The following GNA14 variants were observed in gnomAD, a reference collection of about 807,000 sequenced individuals.
The protein encoded by GNA14 is guanine nucleotide-binding protein subunit alpha-14.
A neutral mutation model predicts 42.0 loss-of-function variants in GNA14; 50 were observed. The ratio of observed to expected loss-of-function variants is 1.19; its 90% confidence interval spans 0.95 to 1.51. The LOEUF is 1.51. GNA14 is among the 40% of genes most tolerant of loss of function. The pLI, the probability that GNA14 is intolerant of heterozygous loss-of-function variation, is 0.00. For missense variants in GNA14, 473 were observed against 446.2 expected (o/e 1.06, Z -0.54); for synonymous variants, 173 against 163.1 (o/e 1.06, Z -0.46).
intron 1 of GNA14, among the ~76,000 whole-genome samples, chr9:77,590,962 TG>T (rs1292627367): frequency 6.6e-6 from 1 of 152,158 alleles, no homozygotes; most frequent in Non-Finnish European, 1.5e-5. Flanking sequence ...AGACCTCTTT[TG>T]GGGGGCAAAA....
At chr9:77,544,095 T>A (rs968463801) in intron 1 of GNA14, among the ~76,000 whole-genome samples, 2 of 152,236 alleles carry the variant, frequency 1.3e-5, no homozygotes, top group Non-Finnish European at 2.9e-5. Context: ...AGTCACATAA[T>A]CTAGACATCT....
At chr9:77,641,246 A>G (rs2118034915) in intron 1 of GNA14, among the ~76,000 whole-genome samples, 1 of 152,046 alleles carries the variant, frequency 6.6e-6, no homozygotes, top group South Asian at 2.1e-4. Flanking sequence ...CTGGAGTTGG[A>G]AAATCATTCT....
intron 1 of GNA14, among the ~76,000 whole-genome samples, chr9:77,543,759 T>C (rs1049241666): frequency 2.6e-5 from 4 of 152,160 alleles, no homozygotes; most frequent in Non-Finnish European, 5.9e-5. Context: ...TCCCGTCACT[T>C]CTCTGTTGAA....
chr9:77,423,980 T>C lies in GNA14; in HGVS notation c.1067A>G (p.Ter356=), dbSNP rs781114373. Residue 356 remains the stop codon, a stop_retained_variant, in exon 7 of 7, where the codon TAA becomes TGA. Coordinates refer to ENST00000341700, the MANE Select transcript of GNA14 (RefSeq NM_004297.4). ...QLNLREFNLV[*] is the part of the protein sequence containing the mutation. ...TAGGGGAGGAGTGGGCAGCAGCTTT[T>C]AGACAAGGTTGAATTCCCTTAGGTT... 6.3e-7 allele frequency: 1 copy of C among 1,579,580 alleles called. No individual in the cohort carries two copies. The highest frequency in any genetic ancestry group is 8.6e-7 in the Non-Finnish European group (1 of 1,159,510).
intron 1 of GNA14, among the ~76,000 whole-genome samples, chr9:77,565,882 T>C (rs1285867909): frequency 6.6e-6 from 1 of 152,146 alleles, no homozygotes; most frequent in Non-Finnish European, 1.5e-5. Context: ...TCATCTGAAA[T>C]CAGAAGAAAA....
intron 1 of GNA14, among the ~76,000 whole-genome samples, chr9:77,645,980 C>G (rs1464641302): frequency 1.3e-5 from 2 of 152,210 alleles, no homozygotes; most frequent in Non-Finnish European, 2.9e-5. Context: ...TAGTGTTAAT[C>G]AAGCTAGCAA....
At chr9:77,609,945 C>G (rs1448244754) in intron 1 of GNA14, among the ~76,000 whole-genome samples, 1 of 152,192 alleles carries the variant, frequency 6.6e-6, no homozygotes, top group African/African-American at 2.4e-5. Flanking sequence ...TGATCCACCT[C>G]TTTAGGAAGC....
Position 77,529,271 on chromosome 9 carries a change from T to C in GNA14, c.125-18A>G, listed in dbSNP as rs778190600. The stretch of plus-strand genomic sequence containing the variant: ...ACCAGTTCCTATAAGACAAAACAAG[T>C]GGAAAACGCTGTCAGCAGACTTCCA... On this transcript the variant is annotated intron_variant, in intron 1 of 6. Coordinates refer to ENST00000341700, the MANE Select transcript of GNA14 (RefSeq NM_004297.4). 13 of 1,598,588 alleles carry C rather than the reference T, an allele frequency of 8.1e-6. No homozygotes were observed. In the Admixed American group the frequency reaches 1.2e-4, roughly 14 times the overall value.
chr9:77,583,687 C>G (rs1029825450), intron 1 of GNA14, among the ~76,000 whole-genome samples: 6 of 152,158 alleles, frequency 3.9e-5, no homozygotes, highest in African/African-American at 1.4e-4. Context: ...CTCCCCCACT[C>G]CAAAAAATCC....
At chr9:77,508,657 C>A (rs1837109095) in intron 2 of GNA14, among the ~76,000 whole-genome samples, 1 of 152,156 alleles carries the variant, frequency 6.6e-6, no homozygotes, top group African/African-American at 2.4e-5. Flanking sequence ...TACATGGCAA[C>A]AAGCTCCCCA....
intron 2 of GNA14, among the ~76,000 whole-genome samples, chr9:77,438,839 T>C (rs912416660): frequency 6.6e-6 from 1 of 152,182 alleles, no homozygotes; most frequent in African/African-American, 2.4e-5. Context: ...TCTAGAGACT[T>C]AGTGTGACTT....
chr9:77,456,690 G>T (rs931105630), intron 2 of GNA14, among the ~76,000 whole-genome samples: 1 of 152,116 alleles, frequency 6.6e-6, no homozygotes, highest in Non-Finnish European at 1.5e-5. Flanking sequence ...AAAAACTAGA[G>T]TTGATAAGAC....
At chr9:77,638,334 A>G (rs773315377) in intron 1 of GNA14, among the ~76,000 whole-genome samples, 1 of 152,274 alleles carries the variant, frequency 6.6e-6, no homozygotes, top group Non-Finnish European at 1.5e-5. Context: ...CAATTCCAAG[A>G]TAACAGCTAT....
At chr9:77,482,475 G>C (rs1836573138) in intron 2 of GNA14, among the ~76,000 whole-genome samples, 1 of 152,078 alleles carries the variant, frequency 6.6e-6, no homozygotes, top group South Asian at 2.1e-4. Flanking sequence ...TTTCTCTCTG[G>C]CTGCCCTTAA....
chr9:77,631,897 A>C (rs887934502), intron 1 of GNA14, among the ~76,000 whole-genome samples: 10 of 152,172 alleles, frequency 6.6e-5, no homozygotes, highest in African/African-American at 2.4e-4. Flanking sequence ...AGGCAGGCAC[A>C]AGCAGGATCC....
chr9:77,450,884 T>C (rs1446157058), intron 2 of GNA14, among the ~76,000 whole-genome samples: 1 of 152,052 alleles, frequency 6.6e-6, no homozygotes, highest in African/African-American at 2.4e-5. Flanking sequence ...GACGGTTTTA[T>C]AAAGGGCATT....
intron 1 of GNA14, among the ~76,000 whole-genome samples, chr9:77,607,292 T>C (rs1823657070): frequency 6.6e-6 from 1 of 152,146 alleles, no homozygotes; most frequent in Admixed American, 6.5e-5. Flanking sequence ...AGTGACATGC[T>C]GAGAAGGCAT....
intron 2 of GNA14, among the ~76,000 whole-genome samples, chr9:77,458,908 G>C (rs111758213): frequency 6.8e-6 from 1 of 147,488 alleles, no homozygotes; most frequent in African/African-American, 2.4e-5. Context: ...AGCTGGAGGG[G>C]GGGGGGTTGT....
intron 2 of GNA14, among the ~76,000 whole-genome samples, chr9:77,479,658 G>C (rs562617942): frequency 6.6e-6 from 1 of 152,122 alleles, no homozygotes; most frequent in African/African-American, 2.4e-5. Context: ...CCATTTTCAC[G>C]ACACTGATTC....
Sources: allele counts gnomAD v4.1 joint callset (sites outside exome capture counted in the v4.1 genomes callset), GRCh38; gene constraint gnomAD v4.1.1; transcripts MANE v1.5; gene names NCBI Gene and HGNC (gene_info 2026-07-23, HGNC 2026-07-21).